Variants in SNX24 observed in about 807,000 individuals in gnomAD.
The protein encoded by SNX24 is sorting nexin 24, also known as sorting nexin-24.
A neutral mutation model predicts 28.7 loss-of-function variants in SNX24; 22 were observed. The ratio of observed to expected loss-of-function variants is 0.77; its 90% confidence interval spans 0.55 to 1.10. SNX24 has a LOEUF of 1.10. Among genes scored for constraint, SNX24 ranks in the 50% least tolerant of loss-of-function variants. The pLI, the probability that SNX24 is intolerant of heterozygous loss-of-function variation, is 0.00. For synonymous variants in SNX24, 69 were observed against 71.5 expected (o/e 0.96, Z 0.18); for missense variants, 221 against 201.1 (o/e 1.10, Z -0.60).
intron 6 of SNX24, among the ~76,000 whole-genome samples, chr5:123,006,104 G>T (rs1762413322): frequency 6.6e-6 from 1 of 152,190 alleles, no homozygotes; most frequent in African/African-American, 2.4e-5. Context: ...AGGTCACACA[G>T]GTATTAAGTG....
chr5:122,989,352 T>C (rs1761735382), intron 3 of SNX24, among the ~76,000 whole-genome samples: 1 of 152,218 alleles, frequency 6.6e-6, no homozygotes, highest in Non-Finnish European at 1.5e-5. Context: ...TCAAAGACCA[T>C]GCCCATATTC....
intron 5 of SNX24, among the ~76,000 whole-genome samples, chr5:123,018,817 G>T (rs1421880194): frequency 6.6e-6 from 1 of 152,030 alleles, no homozygotes; most frequent in Non-Finnish European, 1.5e-5. Flanking sequence ...CTCTCAAGTA[G>T]CTGGGATTAC....
At chr5:122,934,302 A>T (rs1759090793) in intron 1 of SNX24, among the ~76,000 whole-genome samples, 1 of 152,178 alleles carries the variant, frequency 6.6e-6, no homozygotes, top group African/African-American at 2.4e-5. Flanking sequence ...ATATGTAGGA[A>T]AATTGGAAAG....
chr5:122,919,503 A>G (rs951090542), intron 1 of SNX24, among the ~76,000 whole-genome samples: 1 of 152,134 alleles, frequency 6.6e-6, no homozygotes, highest in African/African-American at 2.4e-5. Context: ...GTGCAGGAAG[A>G]TTATAGTAGC....
chr5:122,891,857 C>G (rs569555297), intron 1 of SNX24, among the ~76,000 whole-genome samples: 45 of 152,258 alleles, frequency 3.0e-4, no homozygotes, highest in Middle Eastern at 3.4e-3. Flanking sequence ...TGTGAGCAAA[C>G]ATGTGAGAAT....
intron 1 of SNX24, among the ~76,000 whole-genome samples, chr5:122,858,728 C>T (rs1248970819): frequency 6.6e-6 from 1 of 152,210 alleles, no homozygotes; most frequent in Non-Finnish European, 1.5e-5. Context: ...ACAATAGTAT[C>T]ACAATGTAAT....
intron 5 of SNX24, among the ~76,000 whole-genome samples, chr5:123,014,680 T>C (rs992087034): frequency 1.3e-5 from 2 of 152,178 alleles, no homozygotes; most frequent in Admixed American, 1.3e-4. Flanking sequence ...GTGATCTTTT[T>C]AAAATGTTGA....
chr5:122,896,958 G>T (rs1757229758), intron 1 of SNX24, among the ~76,000 whole-genome samples: 1 of 152,216 alleles, frequency 6.6e-6, no homozygotes, highest in South Asian at 2.1e-4. Context: ...CTGAAGTCAA[G>T]CCTCTGAACC....
At chr5:122,949,417 T>C (rs1759837195) in intron 3 of SNX24, among the ~76,000 whole-genome samples, 1 of 152,188 alleles carries the variant, frequency 6.6e-6, no homozygotes, top group South Asian at 2.1e-4. Flanking sequence ...CTAGTGTATA[T>C]TTTTGAGTGT....
chr5:122,912,056 TG>T (rs1164539869), intron 1 of SNX24, among the ~76,000 whole-genome samples: 3 of 120,410 alleles, frequency 2.5e-5, no homozygotes, highest in African/African-American at 1.0e-4. Flanking sequence ...TAAATTACCT[TG>T]GGCAGTATGG....
intron 1 of SNX24, among the ~76,000 whole-genome samples, chr5:122,903,859 ACTTT>A (rs1236258020): frequency 2.0e-5 from 3 of 152,126 alleles, no homozygotes; most frequent in African/African-American, 7.2e-5. Context: ...TTGGTGGACT[ACTTT>A]CTAATTAAAA....
chr5:123,001,096 T>A (rs1393876336), intron 4 of SNX24, among the ~76,000 whole-genome samples: 5 of 152,264 alleles, frequency 3.3e-5, no homozygotes, highest in African/African-American at 1.2e-4. Context: ...TATATGTTTA[T>A]GTATTTTTTA....
chr5:123,028,376 A>G (rs1293391178), intron 5 of SNX24: 1 of 165,516 alleles, frequency 6.0e-6, no homozygotes, highest in African/African-American at 2.4e-5. Flanking sequence ...ATCTCCTGGC[A>G]TGAGGCCCGT....
intron 1 of SNX24, among the ~76,000 whole-genome samples, chr5:122,934,274 C>T (rs1759089580): frequency 6.6e-6 from 1 of 152,152 alleles, no homozygotes; most frequent in Non-Finnish European, 1.5e-5. Context: ...AAAGATATTT[C>T]CAGGCAGCAG....
chr5:122,940,200 G>A (rs906886358), intron 2 of SNX24, among the ~76,000 whole-genome samples: 3 of 151,960 alleles, frequency 2.0e-5, no homozygotes, highest in Non-Finnish European at 4.4e-5. Flanking sequence ...CGCCATGTTG[G>A]CCAGGCTAGT....
intron 3 of SNX24, among the ~76,000 whole-genome samples, chr5:122,974,372 A>G (rs531967949): frequency 3.3e-5 from 5 of 152,334 alleles, no homozygotes; most frequent in Non-Finnish European, 7.3e-5. Context: ...TGGAAGGGAA[A>G]ATGGATCAAA....
chr5:123,020,278 C>T (rs148112869), intron 5 of SNX24, among the ~76,000 whole-genome samples: 2 of 151,976 alleles, frequency 1.3e-5, no homozygotes, highest in African/African-American at 4.8e-5. Flanking sequence ...AAGAAATGTA[C>T]CCTAGAGAAA....
intron 1 of SNX24, among the ~76,000 whole-genome samples, chr5:122,928,317 A>G (rs34218294): frequency 0.031 from 4,644 of 152,254 alleles, 82 homozygotes; most frequent in Non-Finnish European, 0.038. Flanking sequence ...TGGATCTTCA[A>G]CAATGTCCAC....
chr5:123,009,056 A>C lies in SNX24; in HGVS notation c.*1307A>C. 1.0e-6 allele frequency: 1 copy of C among 985,434 alleles called. No homozygotes were observed. The highest frequency in any genetic ancestry group is 1.2e-6 in the Non-Finnish European group (1 of 829,498). The allele number at this position is 985,434 out of a possible 1,614,324, so 61.0% of individuals were successfully genotyped here. On this transcript the variant is annotated 3_prime_UTR_variant, in exon 7 of 7. Transcript: ENST00000261369. The stretch of plus-strand genomic sequence containing the variant: ...GCCTGCTGCAAACTTTTAAAATATT[A>C]TGATAGATTCTGTACTACATGTGGG...
Sources: allele counts gnomAD v4.1 joint callset (sites outside exome capture counted in the v4.1 genomes callset), GRCh38; gene constraint gnomAD v4.1.1; transcripts MANE v1.5; gene names NCBI Gene and HGNC (gene_info 2026-07-23, HGNC 2026-07-21).